The following ERICH6B variants were observed in gnomAD, a reference collection of about 807,000 sequenced individuals.
The protein encoded by ERICH6B is glutamate-rich protein 6B.
ERICH6B carries 69 observed loss-of-function variants against 80.0 expected under a neutral mutation model. That is an observed-to-expected ratio of 0.86 (90% CI 0.71 to 1.05). ERICH6B has a LOEUF of 1.05. Among genes scored for constraint, ERICH6B ranks in the 50% least tolerant of loss-of-function variants. The pLI, the probability that ERICH6B is intolerant of heterozygous loss-of-function variation, is 0.00. For synonymous variants in ERICH6B, 283 were observed against 291.9 expected, an observed-to-expected ratio of 0.97 and a Z score of 0.31; for missense variants, 754 against 796.1, an observed-to-expected ratio of 0.95 and a Z score of 0.64.
At chr13:45,562,364 T>C (rs1193788163) in intron 10 of ERICH6B, among the ~76,000 whole-genome samples, 1 of 152,270 alleles carries the variant, frequency 6.6e-6, no homozygotes, top group African/African-American at 2.4e-5. Flanking sequence ...AGCATTCAAC[T>C]TGGTTTTCAT....
At position 45,541,894 on chromosome 13, in the gene ERICH6B, T is replaced by C. The variant is rs527878747; in HGVS notation, c.1873-214A>G. Among the ~76,000 whole-genome samples, 33 of 152,358 alleles carry C rather than the reference T, an allele frequency of 2.2e-4. 1 individual carries two copies. The highest frequency in any genetic ancestry group is 7.9e-4 in the African/African-American group (33 of 41,586). On this transcript the variant is annotated intron_variant, in intron 14 of 14. Transcript: ENST00000298738. Reference sequence around the variant, plus strand: ...GTTGCAGTCAGGTGGACCATGGTGATGTGGGCTGAGGCCACACCCATGCCT... The same window carrying C: ...GTTGCAGTCAGGTGGACCATGGTGACGTGGGCTGAGGCCACACCCATGCCT...
chr13:45,591,266 C>T (rs560072311), intron 3 of ERICH6B, among the ~76,000 whole-genome samples: 49 of 152,188 alleles, frequency 3.2e-4, no homozygotes, highest in African/African-American at 1.1e-3. Context: ...CTTACCCATG[C>T]AAGAAAATAT....
At chr13:45,591,778 G>A (rs890071901) in intron 3 of ERICH6B, among the ~76,000 whole-genome samples, 3 of 152,136 alleles carry the variant, frequency 2.0e-5, no homozygotes, top group East Asian at 1.9e-4. Flanking sequence ...AAACAATGGC[G>A]GCAGAGAGAC....
chr13:45,606,656 C>T (rs549892808), intron 2 of ERICH6B, among the ~76,000 whole-genome samples: 1 of 146,484 alleles, frequency 6.8e-6, no homozygotes, highest in African/African-American at 2.6e-5. Flanking sequence ...CAGGTTCAAG[C>T]GATTCTCCTG....
At chr13:45,568,045 A>G (rs1874993253) in intron 9 of ERICH6B, among the ~76,000 whole-genome samples, 1 of 152,158 alleles carries the variant, frequency 6.6e-6, no homozygotes, top group Non-Finnish European at 1.5e-5. Context: ...CTCTGTCACC[A>G]TCTGCCTTGA....
In ERICH6B at chr13:45,568,330, C is replaced by T. The variant is rs923737491; in HGVS notation, c.1172G>A (p.Trp391Ter). The T allele has an allele frequency of 5.2e-5, 81 of 1,544,230 alleles. No individual in the cohort carries two copies. Among genetic ancestry groups the T allele is most frequent in the Non-Finnish European group, 6.7e-5 (77 of 1,144,544 alleles). ...LTKLLESENR[W>*]KLVIMLKKNY... The stretch of plus-strand genomic sequence containing the variant: ...AGTTACTTACATAATTACCAGTTTC[C>T]ATCTGTTTTCACTTTCCAGTAGCTT... Residue 391 changes from tryptophan (W) to a stop codon, truncating the protein, a stop_gained, in exon 9 of 15, where the codon TGG becomes TAG. Coordinates refer to ENST00000298738, the MANE Select transcript of ERICH6B (RefSeq NM_182542.3). LOFTEE classifies it high-confidence loss of function.
chr13:45,556,080 T>C (rs759874118), intron 11 of ERICH6B, among the ~76,000 whole-genome samples: 8 of 151,462 alleles, frequency 5.3e-5, no homozygotes, highest in Non-Finnish European at 1.0e-4. Flanking sequence ...TCTATAGGCA[T>C]GAGAGCATCT....
intron 2 of ERICH6B, among the ~76,000 whole-genome samples, chr13:45,602,461 C>G (rs1384393827): frequency 6.6e-6 from 1 of 152,174 alleles, no homozygotes; most frequent in African/African-American, 2.4e-5. Flanking sequence ...TTGAATCAGT[C>G]TTCTTGGTTT....
At chr13:45,607,737 G>C (rs1294834972) in intron 1 of ERICH6B, 122 bp from the exon 2 acceptor site, 1 of 152,170 alleles carries the variant, frequency 6.6e-6, no homozygotes, top group African/African-American at 2.4e-5. Context: ...TAGTTTTGTG[G>C]TATGTTTCTT....
chr13:45,600,730 T>A lies in ERICH6B; in HGVS notation c.-58-3667A>T, dbSNP rs148354392. ...TATTCTATTTTGTATATATGCCACA[T>A]TTTCTTTGATCATCCGTTGGTGGAC... is the stretch of plus-strand genomic sequence containing the variant. On this transcript the variant is annotated intron_variant, in intron 2 of 14. Coordinates refer to ENST00000298738, the MANE Select transcript of ERICH6B (RefSeq NM_182542.3). 2.0e-5 allele frequency among the ~76,000 whole-genome samples: 3 copies of A among 152,352 alleles called. No individual in the cohort carries two copies. The East Asian group carries it at 5.8e-4, about 29-fold the overall frequency.
At position 45,550,163 on chromosome 13, in the gene ERICH6B, T is replaced by C. The variant is rs973504976; in HGVS notation, c.1493+68A>G. On this transcript the variant is annotated intron_variant, in intron 12 of 14. Transcript: ENST00000298738. Reference sequence around the variant, plus strand: ...CACCTCAGTCAAACCCCTTACCCCATAAAAAATCGTAGACATTTTAGGTGC... The same window carrying C: ...CACCTCAGTCAAACCCCTTACCCCACAAAAAATCGTAGACATTTTAGGTGC... 3.3e-6 allele frequency: 5 copies of C among 1,534,342 alleles called. No homozygotes were observed. In the African/African-American group the frequency reaches 5.5e-5, roughly 17 times the overall value.
In ERICH6B at chr13:45,596,925, C is replaced by A. The variant is rs924474609; in HGVS notation, c.81G>T (p.Leu27Phe). ...CTTCAGTATCCTCTTTCTCTGAAGGCAAGTTCTGTGTGGAATATTGGGGAG... is the reference window on the plus strand; with the variant it reads ...CTTCAGTATCCTCTTTCTCTGAAGGAAAGTTCTGTGTGGAATATTGGGGAG... ...PTTPQYSTQN[L>F]PSEKEDTEVE... Residue 27 changes from leucine to phenylalanine, a missense_variant, in exon 3 of 15, where the codon TTG (leucine) becomes TTT (phenylalanine). Physicochemically the swap from Leu to Phe is conservative, Grantham distance 22 (BLOSUM62 0). Coordinates refer to ENST00000298738, the MANE Select transcript of ERICH6B (RefSeq NM_182542.3). 1.3e-5 allele frequency: 20 copies of A among 1,551,806 alleles called. No individual in the cohort carries two copies. Among genetic ancestry groups the A allele is most frequent in the South Asian group, 5.9e-5 (5 of 84,062 alleles).
At chr13:45,592,248 G>A (rs1876185958) in intron 3 of ERICH6B, among the ~76,000 whole-genome samples, 1 of 152,232 alleles carries the variant, frequency 6.6e-6, no homozygotes, top group Non-Finnish European at 1.5e-5. Context: ...CAAGACACGT[G>A]CAGAAAATGA....
intron 5 of ERICH6B, among the ~76,000 whole-genome samples, chr13:45,581,364 C>T (rs1300147805): frequency 6.6e-6 from 1 of 152,188 alleles, no homozygotes; most frequent in Non-Finnish European, 1.5e-5. Flanking sequence ...CAGACACACA[C>T]ATACACATCC....
chr13:45,553,035 T>C, intron 11 of ERICH6B: 1 of 267,970 alleles, frequency 3.7e-6, no homozygotes, highest in South Asian at 3.7e-5. Context: ...TTGTGAAGTC[T>C]TTAACTCAGT....
intron 4 of ERICH6B, 112 bp from the exon 5 acceptor site, chr13:45,587,344 A>G: frequency 1.2e-6 from 1 of 860,028 alleles, no homozygotes; most frequent in Non-Finnish European, 1.8e-6. Flanking sequence ...GACCCAGATG[A>G]TGGACATCTC....
intron 11 of ERICH6B, 64 bp from the exon 12 acceptor site, chr13:45,550,380 CAGA>C: frequency 7.3e-7 from 1 of 1,366,842 alleles, no homozygotes; most frequent in East Asian, 2.5e-5. Context: ...TGTCCTACTG[CAGA>C]GCACGGTGTG....
chr13:45,559,141 T>C (rs1192499379), intron 11 of ERICH6B, among the ~76,000 whole-genome samples: 1 of 152,212 alleles, frequency 6.6e-6, no homozygotes, highest in East Asian at 1.9e-4. Context: ...GAGGATTGTA[T>C]ATTGCCAGGA....
intron 4 of ERICH6B, among the ~76,000 whole-genome samples, chr13:45,587,590 GC>G (rs1211629060): frequency 2.0e-5 from 3 of 152,142 alleles, no homozygotes; most frequent in Non-Finnish European, 4.4e-5. Flanking sequence ...GTTGTTTTGG[GC>G]AGAGTGGAAA....
Sources: gnomAD v4.1 joint callset for allele counts (sites outside exome capture counted in the v4.1 genomes callset) on GRCh38, gnomAD v4.1.1 for gene constraint, MANE v1.5 for transcripts, NCBI Gene and HGNC (gene_info 2026-07-23, HGNC 2026-07-21) for gene names.